Variants in MCTP1 observed in about 807,000 individuals in gnomAD.
MCTP1 encodes the protein multiple C2 and transmembrane domain-containing protein 1.
A neutral mutation model predicts 120.6 loss-of-function variants in MCTP1; 69 were observed. The ratio of observed to expected loss-of-function variants is 0.57; its 90% CI spans 0.47 to 0.70. The LOEUF (loss-of-function observed/expected upper bound fraction) is 0.70, where lower values mean the gene tolerates loss of function less well. Among genes scored for constraint, MCTP1 ranks in the 30% least tolerant of loss-of-function variants. The pLI, the probability that MCTP1 is intolerant of heterozygous loss-of-function variation, is 0.00. For missense variants in MCTP1, 1,203 were observed against 1,248.8 expected (o/e 0.96, Z 0.55); for synonymous variants, 529 against 493.1 (o/e 1.07, Z -0.96).
chr5:94,944,174 A>G lies in MCTP1; in HGVS notation c.982-1747T>C, dbSNP rs185260070. 2.9e-3 allele frequency among the ~76,000 whole-genome samples: 447 copies of G among 152,288 alleles called. 6 individuals carry two copies. The highest frequency in any genetic ancestry group is 0.011 in the African/African-American group (440 of 41,568). ...AGGATTCTTAGATTTGAAGAGTCAC[A>G]TGGGGATTTATTTAAGTAATAAGCT... On this transcript the variant is annotated intron_variant, in intron 3 of 22. Coordinates refer to ENST00000515393, the MANE Select transcript of MCTP1 (RefSeq NM_024717.7).
intron 3 of MCTP1, among the ~76,000 whole-genome samples, chr5:94,949,104 A>C (rs569685758): frequency 6.6e-6 from 1 of 152,302 alleles, no homozygotes; most frequent in African/African-American, 2.4e-5. Flanking sequence ...TAGTGCTCCC[A>C]ATTAATACTC....
chr5:94,768,300 T>C lies in MCTP1; in HGVS notation c.2610+10810A>G, dbSNP rs530341062. ...ATGTTAAGATGTAAAACTATAAAAC[T>C]ACTAGAAGAAAACATAGGAGAAATA... is the stretch of plus-strand genomic sequence containing the variant. On this transcript the variant is annotated intron_variant, in intron 19 of 22. Coordinates refer to ENST00000515393, the MANE Select transcript of MCTP1 (RefSeq NM_024717.7). Among the ~76,000 whole-genome samples, 8 of 152,228 alleles carry C rather than the reference T, an allele frequency of 5.3e-5. No homozygotes were observed. In the South Asian group the frequency reaches 1.7e-3, roughly 31 times the overall value.
At chr5:94,919,281 C>T (rs1031738078) in intron 7 of MCTP1, among the ~76,000 whole-genome samples, 1 of 151,966 alleles carries the variant, frequency 6.6e-6, no homozygotes, top group African/African-American at 2.4e-5. Flanking sequence ...TTCTATATTC[C>T]AGTTTTAGTT....
intron 18 of MCTP1, 25 bp downstream of exon 18, chr5:94,798,988 T>C: frequency 3.8e-6 from 6 of 1,596,564 alleles, no homozygotes; most frequent in Non-Finnish European, 5.1e-6. Flanking sequence ...CAAAAACACA[T>C]ACAAGTAAGA....
At chr5:94,829,375 G>T (rs1419793258) in intron 17 of MCTP1, among the ~76,000 whole-genome samples, 1 of 152,128 alleles carries the variant, frequency 6.6e-6, no homozygotes, top group African/African-American at 2.4e-5. Flanking sequence ...TTCTGCGTTG[G>T]TCTCGCTGGG....
chr5:94,958,148 C>T (rs1823137415), intron 2 of MCTP1, among the ~76,000 whole-genome samples: 2 of 152,170 alleles, frequency 1.3e-5, no homozygotes, highest in Non-Finnish European at 2.9e-5. Flanking sequence ...GAAAACTGAA[C>T]AACCTGCTCC....
rs987866950 is a variant in MCTP1, at chr5:94,706,528, CAA to C, written c.*966_*967del. On this transcript the variant is annotated 3_prime_UTR_variant, in exon 23 of 23. Coordinates refer to ENST00000515393, the MANE Select transcript of MCTP1 (RefSeq NM_024717.7). ...TCTACATTAAAATTCACACTAATAA[CAA>C]AATCATAGTATGAATTAAAGCATTT... The C allele has an allele frequency of 5.9e-4, 88 of 150,144 alleles. No homozygotes were observed. Among genetic ancestry groups the C allele is most frequent in the African/African-American group, 2.0e-3 (83 of 40,960 alleles). 9.3% of individuals were successfully genotyped at this position (150,144 alleles called of 1,614,324 possible).
At chr5:94,714,309 GA>G (rs1030825737) in intron 20 of MCTP1, among the ~76,000 whole-genome samples, 11 of 151,876 alleles carry the variant, frequency 7.2e-5, no homozygotes, top group Admixed American at 3.9e-4. Context: ...ATACAAACTT[GA>G]AAAAAATATT....
intron 19 of MCTP1, among the ~76,000 whole-genome samples, chr5:94,723,756 A>G (rs1761451103): frequency 6.6e-6 from 1 of 152,154 alleles, no homozygotes; most frequent in Non-Finnish European, 1.5e-5. Flanking sequence ...GGTGATTGTA[A>G]TGTAAAAAGA....
In MCTP1 at chr5:95,000,751, T is replaced by C. The variant is rs1182220164; in HGVS notation, c.838+16616A>G. 3.3e-5 allele frequency among the ~76,000 whole-genome samples: 5 copies of C among 152,210 alleles called. No homozygotes were observed. The East Asian group carries it at 9.6e-4, about 29-fold the overall frequency. The stretch of plus-strand genomic sequence containing the variant: ...GATTACAATGAGCAAAGATTTATTA[T>C]TAAAGACAGAAAAAAATGTTTAAAA... On this transcript the variant is annotated intron_variant, in intron 2 of 22. Coordinates refer to ENST00000515393, the MANE Select transcript of MCTP1 (RefSeq NM_024717.7).
intron 1 of MCTP1, among the ~76,000 whole-genome samples, chr5:95,094,933 C>A (rs1756113307): frequency 1.3e-5 from 2 of 148,732 alleles, no homozygotes; most frequent in South Asian, 2.1e-4. Context: ...GGTATTTGCA[C>A]ATTTTTTGTT....
At chr5:95,254,982 A>G (rs1489428878) in intron 1 of MCTP1, among the ~76,000 whole-genome samples, 1 of 152,224 alleles carries the variant, frequency 6.6e-6, no homozygotes, top group Non-Finnish European at 1.5e-5. Flanking sequence ...AATGGAATGG[A>G]AAATATGCAT....
intron 1 of MCTP1, among the ~76,000 whole-genome samples, chr5:95,042,095 C>A (rs1346029615): frequency 6.6e-6 from 1 of 152,130 alleles, no homozygotes; most frequent in African/African-American, 2.4e-5. Context: ...AGACCAGCTG[C>A]TTTTGCTGGT....
intron 19 of MCTP1, among the ~76,000 whole-genome samples, chr5:94,730,008 G>T (rs139701066): frequency 5.2e-4 from 79 of 152,244 alleles, no homozygotes; most frequent in African/African-American, 1.8e-3. Context: ...TACTACAGTA[G>T]CCCACAAAAA....
At chr5:94,839,791 A>G (rs977100291) in intron 17 of MCTP1, among the ~76,000 whole-genome samples, 3 of 152,052 alleles carry the variant, frequency 2.0e-5, no homozygotes, top group Admixed American at 1.3e-4. Context: ...TAGATCTTTG[A>G]TTTTTCTCTT....
intron 17 of MCTP1, among the ~76,000 whole-genome samples, chr5:94,848,275 C>T (rs1398461516): frequency 2.0e-5 from 3 of 151,912 alleles, no homozygotes; most frequent in African/African-American, 7.3e-5. Context: ...AATAAAGAAG[C>T]GTCTTTCCCC....
chr5:95,153,188 T>C (rs903774568), intron 1 of MCTP1, among the ~76,000 whole-genome samples: 3 of 152,196 alleles, frequency 2.0e-5, no homozygotes, highest in African/African-American at 4.8e-5. Flanking sequence ...GTTCTCATGA[T>C]AGTGAGTTCT....
chr5:94,768,928 G>A (rs1229040695), intron 19 of MCTP1, among the ~76,000 whole-genome samples: 1 of 152,096 alleles, frequency 6.6e-6, no homozygotes, highest in Non-Finnish European at 1.5e-5. Flanking sequence ...AGGGATTTCT[G>A]AATCCCCATA....
At chr5:95,078,318 G>T (rs1235093755) in intron 1 of MCTP1, among the ~76,000 whole-genome samples, 2 of 152,120 alleles carry the variant, frequency 1.3e-5, no homozygotes, top group Admixed American at 1.3e-4. Context: ...ATTCCCTAAA[G>T]CTTTCCTGGG....
Sources: gnomAD v4.1 joint callset for allele counts (sites outside exome capture counted in the v4.1 genomes callset) on GRCh38, gnomAD v4.1.1 for gene constraint, MANE v1.5 for transcripts, NCBI Gene and HGNC (gene_info 2026-07-23, HGNC 2026-07-21) for gene names.